The following LCLAT1 variants were observed in gnomAD, a reference collection of about 807,000 sequenced individuals.
LCLAT1 encodes the protein 1-AGP acyltransferase 8.
In LCLAT1, 11 loss-of-function variants were observed where a neutral mutation model predicts 30.7. That is an observed-to-expected ratio of 0.36 (90% confidence interval 0.23 to 0.59). The LOEUF is 0.59. Among genes scored for constraint, LCLAT1 ranks in the 20% least tolerant of loss-of-function variants. LCLAT1 has a pLI of 0.77. For missense variants in LCLAT1, 402 were observed against 458.6 expected, an observed-to-expected ratio of 0.88 and a Z score of 1.13; for synonymous variants, 155 against 151.3, an observed-to-expected ratio of 1.02 and a Z score of -0.18.
chr2:30,565,906 T>A (rs906397763), intron 4 of LCLAT1, among the ~76,000 whole-genome samples: 1 of 152,116 alleles, frequency 6.6e-6, no homozygotes, highest in Non-Finnish European at 1.5e-5. Context: ...CGTGCAGCTG[T>A]ATGGGTGAAA....
intron 3 of LCLAT1, among the ~76,000 whole-genome samples, chr2:30,536,514 C>T (rs76643170): frequency 0.013 from 1,959 of 152,112 alleles, 43 homozygotes; most frequent in African/African-American, 0.043. Context: ...AACTGTCAGC[C>T]GAGGATACTG....
intron 5 of LCLAT1, among the ~76,000 whole-genome samples, chr2:30,596,182 G>T (rs1666923069): frequency 6.6e-6 from 1 of 152,134 alleles, no homozygotes; most frequent in South Asian, 2.1e-4. Context: ...GGGTCAAATG[G>T]CATTTCTGAT....
chr2:30,460,475 TTTATGCTTGCGTTA>T (rs1157562261), intron 1 of LCLAT1, among the ~76,000 whole-genome samples: 1 of 152,214 alleles, frequency 6.6e-6, no homozygotes, highest in African/African-American at 2.4e-5. Context: ...TCTCCTGATC[TTTATGCTTGCGTTA>T]CTTCAGTAGT....
intron 5 of LCLAT1, among the ~76,000 whole-genome samples, chr2:30,592,463 GAC>G (rs1457335631): frequency 6.6e-6 from 1 of 152,102 alleles, no homozygotes; most frequent in Non-Finnish European, 1.5e-5. Flanking sequence ...CAGCCTGGGT[GAC>G]AGAGCAAGAC....
Position 30,643,335 on chromosome 2 carries a change from C to G in LCLAT1, c.*2716C>G, listed in dbSNP as rs1011390530. ...CCATGTAACTTGAAATATGAACTTA[C>G]AAGGAGGGGCACTCATTAGGTAACA... On this transcript the variant is annotated 3_prime_UTR_variant, in exon 6 of 6. Transcript: ENST00000379509. The G allele has an allele frequency of 8.7e-6, 1 of 114,470 alleles. No homozygotes were observed. Among genetic ancestry groups the G allele is most frequent in the East Asian group, 2.5e-4 (1 of 3,948 alleles). The allele number at this position is 114,470 out of a possible 1,614,324, so 7.1% of individuals were successfully genotyped here. A position where few individuals can be genotyped will look rare whatever the true frequency, so the allele number is the denominator to read the frequency against.
At chr2:30,519,930 C>T (rs1043086787) in intron 1 of LCLAT1, among the ~76,000 whole-genome samples, 1 of 152,196 alleles carries the variant, frequency 6.6e-6, no homozygotes, top group African/African-American at 2.4e-5. Flanking sequence ...GACTTTCACC[C>T]CTCTGGATCT....
chr2:30,481,806 A>G (rs565702560), intron 1 of LCLAT1, among the ~76,000 whole-genome samples: 28 of 152,320 alleles, frequency 1.8e-4, no homozygotes, highest in African/African-American at 6.7e-4. Flanking sequence ...GTTTAGATGT[A>G]TACTTTGCTA....
At chr2:30,639,667 T>G (rs558576143) in intron 5 of LCLAT1, among the ~76,000 whole-genome samples, 5 of 152,310 alleles carry the variant, frequency 3.3e-5, no homozygotes, top group African/African-American at 1.2e-4. Flanking sequence ...GATTTTAAGT[T>G]AAGTTTTTCT....
At chr2:30,486,590 G>A (rs1683566868) in intron 1 of LCLAT1, among the ~76,000 whole-genome samples, 1 of 152,040 alleles carries the variant, frequency 6.6e-6, no homozygotes, top group Admixed American at 6.6e-5. Context: ...GCCACCCATC[G>A]TTCATTTCAA....
At chr2:30,594,479 T>C (rs868727473) in intron 5 of LCLAT1, among the ~76,000 whole-genome samples, 2 of 152,168 alleles carry the variant, frequency 1.3e-5, no homozygotes, top group Non-Finnish European at 2.9e-5. Context: ...ATGAATTCCT[T>C]CTTTTTTGGT....
chr2:30,549,201 G>C (rs1344997875), intron 3 of LCLAT1, among the ~76,000 whole-genome samples: 1 of 152,122 alleles, frequency 6.6e-6, no homozygotes, highest in African/African-American at 2.4e-5. Flanking sequence ...AAATGGCTGG[G>C]GGCTTTAAGG....
At chr2:30,496,124 A>G (rs1684099222) in intron 1 of LCLAT1, among the ~76,000 whole-genome samples, 1 of 152,068 alleles carries the variant, frequency 6.6e-6, no homozygotes, top group African/African-American at 2.4e-5. Context: ...GGGAAGTGCT[A>G]CATATTTTTA....
intron 1 of LCLAT1, among the ~76,000 whole-genome samples, chr2:30,522,380 A>T (rs1020421930): frequency 4.0e-5 from 6 of 149,002 alleles, no homozygotes; most frequent in South Asian, 4.2e-4. Flanking sequence ...TTGTTTTAAA[A>T]TTTTTTTTTT....
rs546603436 is a variant in LCLAT1, at chr2:30,468,493, G to GA, written c.-5+21118dup. Among the ~76,000 whole-genome samples the GA allele has an allele frequency of 6.4e-4, 97 of 150,426 alleles. 4 individuals carry two copies. The South Asian group carries it at 0.02, about 30-fold the overall frequency. The stretch of plus-strand genomic sequence containing the variant: ...AATGACCTCCACTGTGGATAGTTGG[G>GA]AAAAAAAATAGCCATTTGATATATA... On this transcript the variant is annotated intron_variant, in intron 1 of 5. Transcript: ENST00000379509.
chr2:30,566,865 A>T (rs191148373), intron 4 of LCLAT1, among the ~76,000 whole-genome samples: 6 of 152,326 alleles, frequency 3.9e-5, no homozygotes, highest in Admixed American at 3.9e-4. Flanking sequence ...AACAACTGGA[A>T]CATGTACTTG....
intron 5 of LCLAT1, among the ~76,000 whole-genome samples, chr2:30,579,414 CAT>C (rs2148464122): frequency 1.3e-5 from 2 of 152,138 alleles, no homozygotes; most frequent in East Asian, 3.9e-4. Context: ...TAGTTAATAT[CAT>C]GTGATTAAGG....
intron 1 of LCLAT1, among the ~76,000 whole-genome samples, chr2:30,509,410 A>G (rs1009512256): frequency 1.3e-5 from 2 of 152,074 alleles, no homozygotes; most frequent in Non-Finnish European, 2.9e-5. Context: ...TTTGTCATAG[A>G]TGGTTCTTAT....
chr2:30,547,883 C>T (rs1353682650), intron 3 of LCLAT1, among the ~76,000 whole-genome samples: 2 of 152,038 alleles, frequency 1.3e-5, no homozygotes, highest in Non-Finnish European at 2.9e-5. Context: ...TTCACCAAGC[C>T]ATAAGAAATG....
Position 30,644,008 on chromosome 2 carries a change from A to T in LCLAT1, c.*3389A>T, listed in dbSNP as rs954320861. The stretch of plus-strand genomic sequence containing the variant: ...CTACCTGATAAGCTTCAGATTAGAT[A>T]TAGCCCTAAAGTTATCCTGTACCTG... On this transcript the variant is annotated 3_prime_UTR_variant, in exon 6 of 6. Transcript: ENST00000379509. 3.9e-5 allele frequency: 6 copies of T among 152,320 alleles called. No individual in the cohort carries two copies. The highest frequency in any genetic ancestry group is 8.8e-5 in the Non-Finnish European group (6 of 68,050). 9.4% of individuals were successfully genotyped at this position (152,320 alleles called of 1,614,324 possible).
Sources: gnomAD v4.1 joint callset for allele counts (sites outside exome capture counted in the v4.1 genomes callset) on GRCh38, gnomAD v4.1.1 for gene constraint, MANE v1.5 for transcripts, NCBI Gene and HGNC (gene_info 2026-07-23, HGNC 2026-07-21) for gene names.